TNRC6A: variants seen among roughly 807,000 people sequenced by gnomAD.
The protein encoded by TNRC6A is trinucleotide repeat containing adaptor 6A, also known as trinucleotide repeat-containing gene 6A protein.
In TNRC6A, 44 loss-of-function variants were observed where a neutral mutation model predicts 221.2. That is an observed-to-expected ratio of 0.20 (90% CI 0.16 to 0.26). The LOEUF (loss-of-function observed/expected upper bound fraction) is 0.26. Among genes scored for constraint, TNRC6A ranks in the 10% least tolerant of loss-of-function variants. The pLI, the probability that TNRC6A is intolerant of heterozygous loss-of-function variation, is 1.00. For synonymous variants in TNRC6A, 847 were observed against 838.5 expected (o/e 1.01, Z -0.18); for missense variants, 2,199 against 2,404.4 (o/e 0.91, Z 1.79).
intron 2 of TNRC6A, among the ~76,000 whole-genome samples, chr16:24,650,250 A>G (rs577128065): frequency 6.6e-6 from 1 of 152,350 alleles, no homozygotes; most frequent in South Asian, 2.1e-4. Flanking sequence ...TAATTGAATT[A>G]TAATTAAAAT....
chr16:24,804,567 A>G (rs1278602094), intron 12 of TNRC6A, 138 bp from the exon 13 acceptor site: 51 of 1,338,456 alleles, frequency 3.8e-5, no homozygotes, highest in Non-Finnish European at 4.8e-5. Context: ...ATTAACACTA[A>G]TCCGATCTCT....
intron 11 of TNRC6A, among the ~76,000 whole-genome samples, chr16:24,801,715 C>T (rs2058335210): frequency 6.6e-6 from 1 of 152,090 alleles, no homozygotes; most frequent in African/African-American, 2.4e-5. Context: ...GTCGCAAACT[C>T]CTGCCTGCCT....
chr16:24,703,294 T>A (rs551653228), intron 2 of TNRC6A, among the ~76,000 whole-genome samples: 40 of 152,324 alleles, frequency 2.6e-4, no homozygotes, highest in African/African-American at 9.1e-4. Flanking sequence ...TGGAATGACA[T>A]TATATGTTGT....
chr16:24,662,798 T>C (rs2055063221), intron 2 of TNRC6A: 1 of 153,774 alleles, frequency 6.5e-6, no homozygotes, highest in African/African-American at 2.4e-5. Flanking sequence ...TCTTCAATTC[T>C]GGCAATAGAA....
chr16:24,697,555 C>T (rs990965737), intron 2 of TNRC6A, among the ~76,000 whole-genome samples: 4 of 151,810 alleles, frequency 2.6e-5, no homozygotes, highest in South Asian at 2.1e-4. Context: ...CATGGTGGCA[C>T]GCACCTGTAG....
intron 2 of TNRC6A, among the ~76,000 whole-genome samples, chr16:24,742,761 A>G (rs1323173211): frequency 6.6e-6 from 1 of 152,142 alleles, no homozygotes; most frequent in African/African-American, 2.4e-5. Flanking sequence ...GTCTCTACTA[A>G]AAATTTCAAA....
chr16:24,730,303 A>T lies in TNRC6A; in HGVS notation c.53+3A>T. 6.2e-7 allele frequency: 1 copy of T among 1,604,336 alleles called. No homozygotes were observed. The highest frequency in any genetic ancestry group is 8.5e-7 in the Non-Finnish European group (1 of 1,176,284). On this transcript the variant is annotated splice_donor_region_variant and intron_variant, in intron 2 of 24. Transcript: ENST00000395799. Reference sequence around the variant, plus strand: ...GACGTAGAAAGAAATCTTAGCAGGTAAGATGGGCGAGCTTTCCGTCTCCCG... The same window carrying T: ...GACGTAGAAAGAAATCTTAGCAGGTTAGATGGGCGAGCTTTCCGTCTCCCG...
Position 24,678,486 on chromosome 16 carries a change from G to A in TNRC6A, n.402+37477G>A, listed in dbSNP as rs73564701. Among the ~76,000 whole-genome samples the A allele has an allele frequency of 6.7e-3, 1,025 of 152,260 alleles. 10 individuals are homozygous for A. The highest frequency in any genetic ancestry group is 0.023 in the African/African-American group (949 of 41,548). On this transcript the variant is annotated intron_variant and non_coding_transcript_variant, in intron 2 of 2. Transcript: ENST00000566108. ...GGCCCACCTGGCAAGGATCTGAAGA[G>A]AAATCTCCAGCCAACAGCCATCAGG...
intron 1 of TNRC6A, among the ~76,000 whole-genome samples, chr16:24,618,198 G>A (rs1010102197): frequency 1.3e-5 from 2 of 152,184 alleles, no homozygotes; most frequent in Admixed American, 6.6e-5. Flanking sequence ...TGGGGTTACT[G>A]GCGTGAGCCA....
intron 1 of TNRC6A, among the ~76,000 whole-genome samples, chr16:24,627,697 CTTTTTTTTTT>C (rs57520356): frequency 2.0e-5 from 2 of 101,786 alleles, no homozygotes; most frequent in Admixed American, 1.1e-4. Context: ...TCTTTTCTTG[CTTTTTTTTTT>C]TTTTTTTTTT....
intron 2 of TNRC6A, among the ~76,000 whole-genome samples, chr16:24,737,692 C>G (rs1490906423): frequency 6.6e-6 from 1 of 152,216 alleles, no homozygotes; most frequent in Non-Finnish European, 1.5e-5. Context: ...TAAGCCAACT[C>G]AGTTGTTTTG....
chr16:24,666,532 C>T (rs2055165785), intron 2 of TNRC6A, among the ~76,000 whole-genome samples: 1 of 144,596 alleles, frequency 6.9e-6, no homozygotes, highest in African/African-American at 2.6e-5. Flanking sequence ...CCCAGCTACT[C>T]AGGAGGTTGA....
intron 22 of TNRC6A, 46 bp downstream of exon 22, chr16:24,820,406 C>T (rs2287783): frequency 0.19 from 289,960 of 1,556,616 alleles, 27,495 homozygotes; most frequent in African/African-American, 0.21. Flanking sequence ...ATTTGCTAAA[C>T]GCTAACCAGT....
intron 2 of TNRC6A, among the ~76,000 whole-genome samples, chr16:24,660,676 T>G (rs1245725474): frequency 6.6e-6 from 1 of 152,022 alleles, no homozygotes; most frequent in Non-Finnish European, 1.5e-5. Context: ...TAACCTTAGA[T>G]TCAACATTGT....
intron 2 of TNRC6A, among the ~76,000 whole-genome samples, chr16:24,672,137 T>C (rs112381120): frequency 0.032 from 4,875 of 152,242 alleles, 274 homozygotes; most frequent in African/African-American, 0.11. Context: ...TTATTTATTT[T>C]TTGAGACGGA....
intron 1 of TNRC6A, among the ~76,000 whole-genome samples, chr16:24,616,850 G>A (rs575168401): frequency 1.3e-5 from 2 of 152,278 alleles, no homozygotes; most frequent in South Asian, 2.1e-4. Context: ...GAACCCTGAT[G>A]GCAGAGGTTG....
chr16:24,692,430 C>T (rs1838745009), intron 2 of TNRC6A, among the ~76,000 whole-genome samples: 1 of 151,772 alleles, frequency 6.6e-6, no homozygotes, highest in East Asian at 1.9e-4. Context: ...ATTAGCTGGG[C>T]ATGGTGGTGG....
At chr16:24,649,008 C>T (rs770468767) in intron 2 of TNRC6A, among the ~76,000 whole-genome samples, 61 of 151,952 alleles carry the variant, frequency 4.0e-4, no homozygotes, top group Non-Finnish European at 6.5e-4. Flanking sequence ...AGGCCGGGTG[C>T]GGTGGCTCAC....
At chr16:24,809,277 A>G in intron 17 of TNRC6A, 73 bp from the exon 18 acceptor site, 1 of 1,323,276 alleles carries the variant, frequency 7.6e-7, no homozygotes, top group African/African-American at 1.5e-5. Flanking sequence ...TTTTCTAGGA[A>G]ATAGAAGTTG....
Sources: gnomAD v4.1 joint callset for allele counts (sites outside exome capture counted in the v4.1 genomes callset) on GRCh38, gnomAD v4.1.1 for gene constraint, MANE v1.5 for transcripts, NCBI Gene and HGNC (gene_info 2026-07-23, HGNC 2026-07-21) for gene names.